FAM222A: variants seen among roughly 807,000 people sequenced by gnomAD.
The protein encoded by FAM222A is family with sequence similarity 222 member A.
Under a neutral mutation model 25.8 loss-of-function variants are expected in FAM222A, and 7 were observed. That is an observed-to-expected ratio of 0.27 (90% CI 0.15 to 0.51). FAM222A has a LOEUF of 0.51. FAM222A is among the 20% of genes least tolerant of loss of function. FAM222A has a pLI of 0.97. For missense variants in FAM222A, 573 were observed against 640.5 expected, an observed-to-expected ratio of 0.89 and a Z score of 1.14; for synonymous variants, 294 against 298.8, an observed-to-expected ratio of 0.98 and a Z score of 0.17.
In FAM222A at chr12:109,769,572, G is replaced by A. The variant is rs1177706290; in HGVS notation, c.*284G>A. 3.5e-5 allele frequency: 17 copies of A among 485,126 alleles called. 1 individual carries two copies. 30.1% of individuals were successfully genotyped at this position (485,126 alleles called of 1,614,324 possible). ...TCCTTTATCTAAGCTGGCAGAGGCA[G>A]GGAGAGAGAAACCACTCAAAAACAG... On this transcript the variant is annotated 3_prime_UTR_variant, in exon 3 of 3. Coordinates refer to ENST00000538780, the MANE Select transcript of FAM222A (RefSeq NM_032829.3).
At chr12:109,744,725 GA>G in intron 2 of FAM222A, 1 of 985,390 alleles carries the variant, frequency 1.0e-6, no homozygotes, top group Non-Finnish European at 1.2e-6. Context: ...ACCAGGATCT[GA>G]AACGCTCTGA....
intron 2 of FAM222A, among the ~76,000 whole-genome samples, chr12:109,754,381 A>T (rs1888650030): frequency 6.6e-6 from 1 of 152,220 alleles, no homozygotes; most frequent in Non-Finnish European, 1.5e-5. Flanking sequence ...AAAAAGAAAA[A>T]AAAAAGAAAA....
chr12:109,764,190 A>G (rs1888975477), intron 2 of FAM222A, among the ~76,000 whole-genome samples: 1 of 141,254 alleles, frequency 7.1e-6, no homozygotes, highest in African/African-American at 2.7e-5. Flanking sequence ...CGACTGTGCC[A>G]CTGCATTCTA....
intron 1 of FAM222A, among the ~76,000 whole-genome samples, chr12:109,723,664 A>C (rs1205247365): frequency 2.0e-5 from 3 of 152,234 alleles, no homozygotes; most frequent in Admixed American, 2.0e-4. Flanking sequence ...ACTCCTGGCG[A>C]AGGCTGGGGG....
At position 109,726,178 on chromosome 12, in the gene FAM222A, T is replaced by C. The variant is rs1887841066; in HGVS notation, c.-47+11281T>C. Among the ~76,000 whole-genome samples the C allele has an allele frequency of 2.8e-5, 4 of 145,426 alleles. No individual in the cohort carries two copies. The South Asian group carries it at 8.6e-4, about 31-fold the overall frequency. On this transcript the variant is annotated intron_variant, in intron 1 of 2. Coordinates refer to ENST00000538780, the MANE Select transcript of FAM222A (RefSeq NM_032829.3). ...CTTCAAGTAGAAAAGGGATTCAGAG[T>C]CCACCAGACTTGGTTTCAAATCCCT...
intron 1 of FAM222A, chr12:109,735,946 C>T (rs1888073623): frequency 6.6e-6 from 1 of 152,278 alleles, no homozygotes. Context: ...ATCCCTGGCT[C>T]TCTGGGAAGA....
chr12:109,763,155 C>G (rs1888946867), intron 2 of FAM222A, among the ~76,000 whole-genome samples: 1 of 152,218 alleles, frequency 6.6e-6, no homozygotes, highest in Non-Finnish European at 1.5e-5. Flanking sequence ...CATGAAGCCC[C>G]TGGCTTTGCC....
rs375523869 is a variant in FAM222A at position 109,744,176 on chromosome 12, C to T, written c.30C>T (p.Asn10=). The change falls in exon 2 of 3, where the codon AAC becomes AAT. Residue 10 remains asparagine, a synonymous_variant. Coordinates refer to ENST00000538780, the MANE Select transcript of FAM222A (RefSeq NM_032829.3). ...TGGCCTGTCTGCAGAGGACCCAGAA[C>T]GCCCCGGGCCAACACCTGGCCTGCC... MLACLQRTQ[N]APGQHLACPS... is the part of the protein sequence containing the mutation. 60 of 1,613,310 alleles carry T rather than the reference C, an allele frequency of 3.7e-5. No homozygotes were observed. The African/African-American group carries it at 4.0e-4, about 11-fold the overall frequency.
At chr12:109,756,573 A>G (rs1047812720) in intron 2 of FAM222A, among the ~76,000 whole-genome samples, 6 of 152,058 alleles carry the variant, frequency 3.9e-5, no homozygotes, top group Admixed American at 1.3e-4. Context: ...ATCATGAGGG[A>G]TATTGATTTG....
At chr12:109,741,386 C>T (rs1888236621) in intron 1 of FAM222A, among the ~76,000 whole-genome samples, 1 of 152,180 alleles carries the variant, frequency 6.6e-6, no homozygotes, top group Non-Finnish European at 1.5e-5. Flanking sequence ...AAGCTGAGGC[C>T]TACACTTGGA....
Position 109,768,664 on chromosome 12 carries a change from G to A in FAM222A, c.735G>A (p.Ser245=), listed in dbSNP as rs778549496. 3.2e-5 allele frequency: 51 copies of A among 1,596,190 alleles called. No homozygotes were observed. Among genetic ancestry groups the A allele is most frequent in the African/African-American group, 6.7e-5 (5 of 74,816 alleles). ...CCAGCTTCCCCAGCATGGCCTACTC[G>A]GCTGCAGCCGGTCTGCCCGACTGCC... ...PVPSFPSMAY[S]AAAGLPDCRK... is the part of the protein sequence containing the mutation. Residue 245 remains serine, a synonymous_variant, in exon 3 of 3, where the codon TCG becomes TCA. Transcript: ENST00000538780.
At chr12:109,737,082 C>A (rs989538846) in intron 1 of FAM222A, among the ~76,000 whole-genome samples, 1 of 152,102 alleles carries the variant, frequency 6.6e-6, no homozygotes, top group African/African-American at 2.4e-5. Flanking sequence ...TTATTATGTA[C>A]CTTGTATGTC....
chr12:109,740,174 C>G (rs571225309), intron 1 of FAM222A, among the ~76,000 whole-genome samples: 1 of 152,344 alleles, frequency 6.6e-6, no homozygotes, highest in Non-Finnish European at 1.5e-5. Flanking sequence ...AAAGTTCCTT[C>G]CTTCCTTTCC....
In FAM222A at chr12:109,769,268, C is replaced by T. The variant is rs537650643; in HGVS notation, c.1339C>T (p.Arg447Cys). The T allele has an allele frequency of 3.0e-5, 48 of 1,610,588 alleles. No homozygotes were observed. The highest frequency in any genetic ancestry group is 1.6e-4 in the East Asian group (7 of 44,718). The change falls in exon 3 of 3, where the codon CGC becomes TGC. Residue 447 changes from arginine (R) to cysteine (C), a missense_variant. By Grantham distance (180) the Arg-to-Cys change is radical. Coordinates refer to ENST00000538780, the MANE Select transcript of FAM222A (RefSeq NM_032829.3). ...ACTCGACCACCAGCATGCCCACATCCGCCTACCCGTCTACAGATAAGGCCT... is the reference window on the plus strand; with the variant it reads ...ACTCGACCACCAGCATGCCCACATCTGCCTACCCGTCTACAGATAAGGCCT... ...RLLDHQHAHI[R>C]LPVYR
At position 109,752,254 on chromosome 12, in the gene FAM222A, G is replaced by A. The variant is rs139304658; in HGVS notation, c.82+8026G>A. On this transcript the variant is annotated intron_variant, in intron 2 of 2. Coordinates refer to ENST00000538780, the MANE Select transcript of FAM222A (RefSeq NM_032829.3). ...TCACCAAGGACATCCTGCTTCCCCC[G>A]CCCATTCAGATCCTTTGACATCTCT... Among the ~76,000 whole-genome samples the A allele has an allele frequency of 3.7e-4, 56 of 152,274 alleles. No individual in the cohort carries two copies. The Middle Eastern group carries it at 0.01, about 28-fold the overall frequency.
chr12:109,739,393 G>A lies in FAM222A; in HGVS notation c.-46-4708G>A, dbSNP rs118041280. The stretch of plus-strand genomic sequence containing the variant: ...TGGCAGGACACTTTGAGTCATTTCC[G>A]TCCTCCCAGTACATGGCACAGGGCT... On this transcript the variant is annotated intron_variant, in intron 1 of 2. Coordinates refer to ENST00000538780, the MANE Select transcript of FAM222A (RefSeq NM_032829.3). 9.4e-3 allele frequency among the ~76,000 whole-genome samples: 1,436 copies of A among 152,306 alleles called. 8 individuals are homozygous for A. Among genetic ancestry groups the A allele is most frequent in the Middle Eastern group, 0.031 (9 of 294 alleles).
Position 109,768,100 on chromosome 12 carries a change from G to A in FAM222A, c.171G>A (p.Pro57=), listed in dbSNP as rs142027035. ...DAYAEKVANS[P]LSIKIFPTNI... is the part of the protein sequence containing the mutation. Reference sequence around the variant, plus strand: ...ATGCCGAGAAGGTGGCCAACAGCCCGCTGTCCATCAAGATCTTCCCCACCA... The same window carrying A: ...ATGCCGAGAAGGTGGCCAACAGCCCACTGTCCATCAAGATCTTCCCCACCA... Residue 57 remains proline (P), a synonymous_variant, in exon 3 of 3, where the codon CCG becomes CCA. Transcript: ENST00000538780. 6.9e-5 allele frequency: 111 copies of A among 1,613,882 alleles called. No homozygotes were observed. Among genetic ancestry groups the A allele is most frequent in the African/African-American group, 5.6e-4 (42 of 75,030 alleles).
At chr12:109,737,629 C>G (rs1888122486) in intron 1 of FAM222A, among the ~76,000 whole-genome samples, 1 of 151,920 alleles carries the variant, frequency 6.6e-6, no homozygotes, top group Admixed American at 6.6e-5. Context: ...GGTGCTGAGG[C>G]CCAAATGGCA....
chr12:109,764,021 C>T lies in FAM222A; in HGVS notation c.83-3991C>T, dbSNP rs757218784. Among the ~76,000 whole-genome samples the T allele has an allele frequency of 7.2e-5, 11 of 152,064 alleles. No homozygotes were observed. In the East Asian group the frequency reaches 1.7e-3, roughly 24 times the overall value. ...AAGGTGGGAGGGTCACTTGAGCCCACGAGTTCGAGACCAGCCTGGGCAACA... is the reference window on the plus strand; with the variant it reads ...AAGGTGGGAGGGTCACTTGAGCCCATGAGTTCGAGACCAGCCTGGGCAACA... On this transcript the variant is annotated intron_variant, in intron 2 of 2. Transcript: ENST00000538780.
Sources: gnomAD v4.1 joint callset for allele counts (sites outside exome capture counted in the v4.1 genomes callset) on GRCh38, gnomAD v4.1.1 for gene constraint, MANE v1.5 for transcripts, NCBI Gene and HGNC (gene_info 2026-07-23, HGNC 2026-07-21) for gene names.